The following PDE10A variants were observed in gnomAD, a reference collection of about 807,000 sequenced individuals.
The protein encoded by PDE10A is phosphodiesterase 10A, also known as cAMP and cAMP-inhibited cGMP 3',5'-cyclic phosphodiesterase 10A.
PDE10A carries 39 observed loss-of-function variants against 97.7 expected under a neutral mutation model. The observed-to-expected ratio is 0.40, with a 90% CI of 0.31 to 0.52. The LOEUF is 0.52. Ranked by LOEUF, PDE10A falls within the 20% of genes least tolerant of loss-of-function variation. The pLI, the probability that PDE10A is intolerant of heterozygous loss-of-function variation, is 0.56. For synonymous variants in PDE10A, 371 were observed against 376.8 expected, an observed-to-expected ratio of 0.98 and a Z score of 0.18; for missense variants, 731 against 1,047.8, an observed-to-expected ratio of 0.70 and a Z score of 4.17.
chr6:165,755,829 G>A (rs1013316934), intron 1 of PDE10A, among the ~76,000 whole-genome samples: 1 of 152,182 alleles, frequency 6.6e-6, no homozygotes, highest in Non-Finnish European at 1.5e-5. Context: ...AGGACTTGGG[G>A]GATAGTTCTG....
chr6:165,500,247 GA>G lies in PDE10A; in HGVS notation c.995-17905del, dbSNP rs11397869. The stretch of plus-strand genomic sequence containing the variant: ...TCTGTATCCAATATAGATTGAAAAG[GA>G]AAAAAAAACTGACTACTCACAGATG... On this transcript the variant is annotated intron_variant, in intron 2 of 21. Coordinates refer to ENST00000539869, the MANE Select transcript of PDE10A (RefSeq NM_001385079.1). 7.3e-5 allele frequency among the ~76,000 whole-genome samples: 11 copies of G among 150,306 alleles called. No individual in the cohort carries two copies. The East Asian group carries it at 1.4e-3, about 19-fold the overall frequency.
intron 1 of PDE10A, among the ~76,000 whole-genome samples, chr6:165,934,814 A>G (rs1390577340): frequency 2.0e-5 from 3 of 152,188 alleles, no homozygotes; most frequent in African/African-American, 7.2e-5. Context: ...TCTTGCTTTT[A>G]GATACAAATG....
intron 1 of PDE10A, among the ~76,000 whole-genome samples, chr6:165,889,158 T>A (rs1241568895): frequency 1.3e-5 from 2 of 152,196 alleles, no homozygotes; most frequent in Non-Finnish European, 2.9e-5. Context: ...TAACTAATAT[T>A]TTTGCTGCTA....
intron 15 of PDE10A, among the ~76,000 whole-genome samples, chr6:165,393,944 T>C (rs1785924106): frequency 6.6e-6 from 1 of 152,162 alleles, no homozygotes; most frequent in Non-Finnish European, 1.5e-5. Flanking sequence ...ATAATCAAAT[T>C]ACTGACAAAG....
intron 1 of PDE10A, among the ~76,000 whole-genome samples, chr6:165,589,599 G>A (rs1054257699): frequency 6.6e-6 from 1 of 151,968 alleles, no homozygotes; most frequent in Non-Finnish European, 1.5e-5. Context: ...TTAATTACAT[G>A]TGTCTTCAGA....
intron 3 of PDE10A, among the ~76,000 whole-genome samples, chr6:165,477,625 C>A (rs1779369796): frequency 6.6e-6 from 1 of 152,174 alleles, no homozygotes; most frequent in Non-Finnish European, 1.5e-5. Flanking sequence ...TCATAGGTGA[C>A]ATTTCCACAC....
rs541379329 is a variant in PDE10A, at chr6:165,947,814, C to T, written c.-615+39715G>A. On this transcript the variant is annotated intron_variant, in intron 1 of 19. Coordinates refer to the PDE10A transcript ENST00000366882. Reference sequence around the variant, plus strand: ...GCACAATCGTATGGGTTTTTGGCTGCTTCCTTGCTTCCTGACACAGCAAGA... The same window carrying T: ...GCACAATCGTATGGGTTTTTGGCTGTTTCCTTGCTTCCTGACACAGCAAGA... 5.6e-4 allele frequency among the ~76,000 whole-genome samples: 86 copies of T among 152,262 alleles called. 1 individual carries two copies. Among genetic ancestry groups the T allele is most frequent in the African/African-American group, 2.0e-3 (85 of 41,546 alleles).
intron 1 of PDE10A, among the ~76,000 whole-genome samples, chr6:165,791,337 A>G (rs570012481): frequency 5.3e-5 from 8 of 152,264 alleles, no homozygotes; most frequent in Non-Finnish European, 8.8e-5. Context: ...AGGTTCACCT[A>G]TGCTGCCACA....
At chr6:165,651,236 A>G (rs1352160896) in intron 1 of PDE10A, among the ~76,000 whole-genome samples, 18 of 152,212 alleles carry the variant, frequency 1.2e-4, no homozygotes, top group Non-Finnish European at 1.5e-5. Flanking sequence ...GTCTCTTACC[A>G]TGAATAAGGC....
intron 1 of PDE10A, among the ~76,000 whole-genome samples, chr6:165,641,431 A>G (rs375868527): frequency 1.3e-5 from 2 of 152,234 alleles, no homozygotes; most frequent in Non-Finnish European, 2.9e-5. Context: ...AAGAGAAGGC[A>G]TCACACATGT....
chr6:165,712,640 T>C (rs1192946072), intron 1 of PDE10A, among the ~76,000 whole-genome samples: 94 of 137,954 alleles, frequency 6.8e-4, no homozygotes, highest in Middle Eastern at 3.6e-3. Flanking sequence ...TCTTTTTTTT[T>C]TTTTTTTTTT....
chr6:165,358,357 T>C (rs1204363038), intron 18 of PDE10A, among the ~76,000 whole-genome samples: 1 of 152,142 alleles, frequency 6.6e-6, no homozygotes, highest in Non-Finnish European at 1.5e-5. Flanking sequence ...TTTTGTTCGT[T>C]TGTTTTTGAA....
At chr6:165,593,864 G>A (rs758620282) in intron 1 of PDE10A, among the ~76,000 whole-genome samples, 8 of 152,042 alleles carry the variant, frequency 5.3e-5, no homozygotes, top group Non-Finnish European at 1.0e-4. Flanking sequence ...CCTTGTTCAG[G>A]CATAGTACAC....
intron 1 of PDE10A, among the ~76,000 whole-genome samples, chr6:165,847,429 C>T (rs909463405): frequency 6.6e-6 from 1 of 152,260 alleles, no homozygotes; most frequent in African/African-American, 2.4e-5. Flanking sequence ...TAACACAGGA[C>T]ACAGACAACG....
intron 1 of PDE10A, among the ~76,000 whole-genome samples, chr6:165,697,413 A>T (rs1791467180): frequency 6.6e-6 from 1 of 152,254 alleles, no homozygotes; most frequent in Non-Finnish European, 1.5e-5. Flanking sequence ...ATAAAAAACT[A>T]AAGGCAAAAT....
chr6:165,840,618 T>C (rs2128473089), intron 1 of PDE10A, among the ~76,000 whole-genome samples: 2 of 152,314 alleles, frequency 1.3e-5, no homozygotes, highest in South Asian at 4.1e-4. Flanking sequence ...TCAGAGAAGC[T>C]CTGTGTGTCT....
chr6:165,372,344 A>C (rs908690721), intron 18 of PDE10A, among the ~76,000 whole-genome samples: 1 of 150,046 alleles, frequency 6.7e-6, no homozygotes, highest in African/African-American at 2.5e-5. Flanking sequence ...GTCTCAGCCC[A>C]AAATCTCCTT....
chr6:165,406,252 G>GTGTGTGTGTGTGTTTC (rs1787151807), intron 13 of PDE10A, among the ~76,000 whole-genome samples: 1 of 151,790 alleles, frequency 6.6e-6, no homozygotes, highest in African/African-American at 2.4e-5. Flanking sequence ...GTGTGTGTGT[G>GTGTGTGTGTGTGTTTC]TGTGTGTGTT....
At chr6:165,664,829 T>G (rs182099413), upstream of PDE10A, among the ~76,000 whole-genome samples, 43 of 152,332 alleles carry the variant, frequency 2.8e-4, no homozygotes, top group East Asian at 1.9e-4. Context: ...CACGCAAAAT[T>G]GTTTCTCCTT....
Sources: gnomAD v4.1 joint callset for allele counts (sites outside exome capture counted in the v4.1 genomes callset) on GRCh38, gnomAD v4.1.1 for gene constraint, MANE v1.5 for transcripts, NCBI Gene and HGNC (gene_info 2026-07-23, HGNC 2026-07-21) for gene names.